The following CEP70 variants were observed in gnomAD, a reference collection of about 807,000 sequenced individuals.
CEP70 encodes the protein centrosomal protein of 70 kDa.
CEP70 carries 70 observed loss-of-function variants against 90.9 expected under a neutral mutation model. The observed-to-expected ratio is 0.77, with a 90% confidence interval of 0.64 to 0.94. The LOEUF (loss-of-function observed/expected upper bound fraction) is 0.94. CEP70 is among the 40% of genes least tolerant of loss of function. The pLI is 0.00. For missense variants in CEP70, 648 were observed against 669.0 expected (o/e 0.97, Z 0.35); for synonymous variants, 220 against 228.3 (o/e 0.96, Z 0.33).
At chr3:138,525,140 C>A (rs2037083523) in intron 11 of CEP70, among the ~76,000 whole-genome samples, 1 of 152,094 alleles carries the variant, frequency 6.6e-6, no homozygotes, top group South Asian at 2.1e-4. Context: ...TGGAAACCAT[C>A]ATTCTCAGCA....
In CEP70 at chr3:138,532,513, C is replaced by T; in HGVS notation, c.692+1G>A. On this transcript the variant is annotated splice_donor_variant, in intron 8 of 17. Transcript: ENST00000264982. LOFTEE classifies it high-confidence loss of function. Reference sequence around the variant, plus strand: ...AAACTGTAATACAGGATTACTCGTACCTTTGTGTATGAATTTTTCTAATTT... The same window carrying T: ...AAACTGTAATACAGGATTACTCGTATCTTTGTGTATGAATTTTTCTAATTT... 2.0e-6 allele frequency: 3 copies of T among 1,502,020 alleles called. No homozygotes were observed. The highest frequency in any genetic ancestry group is 1.8e-6 in the Non-Finnish European group (2 of 1,124,336). The allele number at this position is 1,502,020 out of a possible 1,614,324, so 93.0% of individuals were successfully genotyped here.
chr3:138,547,501 C>G (rs2039301573), intron 6 of CEP70, among the ~76,000 whole-genome samples: 1 of 152,198 alleles, frequency 6.6e-6, no homozygotes. Flanking sequence ...GTCAGGATAA[C>G]ATAGAAGATT....
rs569185802 is a variant in CEP70 at position 138,575,886 on chromosome 3, C to T, written c.-5-2954G>A. Among the ~76,000 whole-genome samples, 114 of 152,320 alleles carry T rather than the reference C, an allele frequency of 7.5e-4. 1 individual carries two copies. Among genetic ancestry groups the T allele is most frequent in the African/African-American group, 2.5e-3 (104 of 41,572 alleles). ...AATGAAGGAGAAATAAAATCCTTTA[C>T]AGACAAGCAAATGCAAAGAGATTGT... is the stretch of plus-strand genomic sequence containing the variant. On this transcript the variant is annotated intron_variant, in intron 2 of 17. Coordinates refer to ENST00000264982, the MANE Select transcript of CEP70 (RefSeq NM_024491.4).
chr3:138,535,002 C>T (rs191695547), intron 7 of CEP70, among the ~76,000 whole-genome samples: 114 of 152,240 alleles, frequency 7.5e-4, no homozygotes, highest in Admixed American at 2.2e-3. Context: ...CTTTCTGTCT[C>T]TGGGTTTAAT....
intron 6 of CEP70, among the ~76,000 whole-genome samples, chr3:138,568,872 G>A (rs971312755): frequency 4.6e-5 from 7 of 151,870 alleles, no homozygotes; most frequent in Non-Finnish European, 8.8e-5. Flanking sequence ...CCAGCTACTT[G>A]GGAGGCTGAG....
rs142766909 is a variant in CEP70, at chr3:138,505,247, T to C, written c.1221+48A>G. 4.5e-4 allele frequency: 618 copies of C among 1,372,560 alleles called. 1 individual carries two copies. Among genetic ancestry groups the C allele is most frequent in the Non-Finnish European group, 5.7e-4 (583 of 1,030,026 alleles). The allele number at this position is 1,372,560 out of a possible 1,614,324, so 85.0% of individuals were successfully genotyped here. A position where few individuals can be genotyped will look rare whatever the true frequency, so the allele number is the denominator to read the frequency against. On this transcript the variant is annotated intron_variant, in intron 13 of 17. Transcript: ENST00000264982. ...AATTAAGTCCTATTAATAAAGCACA[T>C]AGAGTCCAATAGATGTTCAAAGCAT...
chr3:138,497,130 C>G (rs1560265760), intron 17 of CEP70: 1 of 1,091,642 alleles, frequency 9.2e-7, no homozygotes, highest in Non-Finnish European at 1.1e-6. Context: ...TGAGGACAAG[C>G]CTAAAGCAAG....
chr3:138,497,461 A>G, intron 17 of CEP70: 2 of 1,108,378 alleles, frequency 1.8e-6, no homozygotes, highest in Non-Finnish European at 2.2e-6. Context: ...AATTATATTT[A>G]AACTAGATAA....
chr3:138,579,893 G>A (rs966554815), intron 2 of CEP70, among the ~76,000 whole-genome samples: 7 of 151,996 alleles, frequency 4.6e-5, no homozygotes, highest in Non-Finnish European at 1.0e-4. Flanking sequence ...CCCAACTGGG[G>A]AAGAGCATTA....
intron 10 of CEP70, among the ~76,000 whole-genome samples, chr3:138,527,072 G>A (rs1234278724): frequency 6.6e-6 from 1 of 152,188 alleles, no homozygotes; most frequent in Non-Finnish European, 1.5e-5. Flanking sequence ...ATAAACTAAC[G>A]TATAATGATT....
intron 15 of CEP70, 80 bp downstream of exon 15, chr3:138,500,319 T>TA: frequency 6.6e-7 from 1 of 1,518,546 alleles, no homozygotes; most frequent in Non-Finnish European, 8.9e-7. Context: ...ATTTTTCACT[T>TA]AAACATTTTT....
chr3:138,508,353 C>CCAACTGATAATTTATTACACCA, intron 12 of CEP70, 86 bp downstream of exon 12: 1 of 842,424 alleles, frequency 1.2e-6, no homozygotes, highest in South Asian at 1.4e-5. Context: ...GTATTCCTTA[C>CCAACTGATAATTTATTACACCA]CAACTGATAA....
intron 17 of CEP70, chr3:138,496,076 A>G: frequency 1.0e-6 from 1 of 985,428 alleles, no homozygotes; most frequent in South Asian, 4.7e-5. Flanking sequence ...CCACCAAAGG[A>G]GCAAAATCCT....
intron 17 of CEP70, chr3:138,497,329 T>C: frequency 8.1e-7 from 1 of 1,237,692 alleles, no homozygotes; most frequent in East Asian, 5.9e-5. Context: ...AGAGCCATTC[T>C]TTAAAAAAAA....
chr3:138,510,907 C>T (rs377650600), intron 11 of CEP70, among the ~76,000 whole-genome samples: 68 of 139,472 alleles, frequency 4.9e-4, no homozygotes, highest in Middle Eastern at 0.011. Flanking sequence ...GTTGCCCAGG[C>T]TGGAGTGCAA....
intron 6 of CEP70, among the ~76,000 whole-genome samples, chr3:138,539,003 T>C (rs2038524286): frequency 1.3e-5 from 2 of 152,186 alleles, no homozygotes; most frequent in South Asian, 4.1e-4. Context: ...ATGTTAAATC[T>C]CTTTTATCAT....
At chr3:138,551,148 C>G (rs1343837645) in intron 6 of CEP70, among the ~76,000 whole-genome samples, 1 of 152,140 alleles carries the variant, frequency 6.6e-6, no homozygotes, top group Admixed American at 6.5e-5. Context: ...AAAGGAAAAC[C>G]TATAAGATTA....
intron 11 of CEP70, among the ~76,000 whole-genome samples, chr3:138,515,458 A>AT (rs556239978): frequency 1.0e-4 from 15 of 144,808 alleles, no homozygotes; most frequent in Non-Finnish European, 2.1e-4. Context: ...AACAAAAGGC[A>AT]TAGAAATGCA....
At chr3:138,571,392 A>G (rs1372664210) in intron 3 of CEP70, 36 bp from the exon 4 acceptor site, 2 of 1,354,330 alleles carry the variant, frequency 1.5e-6, no homozygotes, top group Non-Finnish European at 2.1e-6. Context: ...GGTTAACTTT[A>G]GATATAAAGT....
Sources: gnomAD v4.1 joint callset for allele counts (sites outside exome capture counted in the v4.1 genomes callset) on GRCh38, gnomAD v4.1.1 for gene constraint, MANE v1.5 for transcripts, NCBI Gene and HGNC (gene_info 2026-07-23, HGNC 2026-07-21) for gene names.